Variants in MECOM observed in about 807,000 individuals in gnomAD.
MECOM encodes the protein histone-lysine N-methyltransferase MECOM.
Under a neutral mutation model 116.3 loss-of-function variants are expected in MECOM, and 13 were observed. The ratio of observed to expected loss-of-function variants is 0.11; its 90% CI spans 0.07 to 0.18. MECOM has a LOEUF of 0.18. Among genes scored for constraint, MECOM ranks in the 10% least tolerant of loss-of-function variants. MECOM has a pLI of 1.00. For missense variants in MECOM, 1,299 were observed against 1,509.0 expected (o/e 0.86, Z 2.31); for synonymous variants, 528 against 535.2 (o/e 0.99, Z 0.19).
intron 2 of MECOM, among the ~76,000 whole-genome samples, chr3:169,337,018 A>G (rs1251451931): frequency 1.3e-5 from 2 of 152,166 alleles, no homozygotes; most frequent in Non-Finnish European, 2.9e-5. Flanking sequence ...AAAGTAGTTA[A>G]GTTTTATATG....
chr3:169,258,245 A>AAAAG (rs955662755), intron 2 of MECOM, among the ~76,000 whole-genome samples: 5 of 152,104 alleles, frequency 3.3e-5, no homozygotes, highest in Admixed American at 1.3e-4. Flanking sequence ...AAGAAAAAGA[A>AAAAG]AAAGTAGATT....
At chr3:169,556,550 G>C (rs1054722663) in intron 1 of MECOM, among the ~76,000 whole-genome samples, 2 of 152,126 alleles carry the variant, frequency 1.3e-5, no homozygotes, top group Admixed American at 1.3e-4. Flanking sequence ...CCACCTCCTG[G>C]TTGTCCCACC....
chr3:169,496,962 G>C (rs1753888101), intron 1 of MECOM, among the ~76,000 whole-genome samples: 1 of 152,136 alleles, frequency 6.6e-6, no homozygotes, highest in South Asian at 2.1e-4. Flanking sequence ...CTTTAAGAAA[G>C]ATTTTAGCCT....
intron 2 of MECOM, among the ~76,000 whole-genome samples, chr3:169,215,018 T>C (rs146331693): frequency 0.014 from 2,052 of 150,740 alleles, 48 homozygotes; most frequent in African/African-American, 0.047. Context: ...AGGCTTTTCT[T>C]ATAGGGCTTT....
At chr3:169,641,092 C>A (rs958934884) in intron 1 of MECOM, among the ~76,000 whole-genome samples, 8 of 152,262 alleles carry the variant, frequency 5.3e-5, no homozygotes, top group Middle Eastern at 6.8e-3. Flanking sequence ...AAGGGCCACC[C>A]TAAGATTGGA....
chr3:169,416,245 G>A (rs1738566325), intron 1 of MECOM, among the ~76,000 whole-genome samples: 1 of 152,068 alleles, frequency 6.6e-6, no homozygotes, highest in Admixed American at 6.6e-5. Context: ...AAAACTAAAT[G>A]GAAACTGAAC....
At chr3:169,481,711 T>C (rs983634843) in intron 1 of MECOM, among the ~76,000 whole-genome samples, 9 of 152,014 alleles carry the variant, frequency 5.9e-5, no homozygotes, top group African/African-American at 1.7e-4. Context: ...CACTAGCTTG[T>C]TGGACATTTC....
intron 1 of MECOM, among the ~76,000 whole-genome samples, chr3:169,644,862 G>T (rs1242274372): frequency 2.6e-5 from 4 of 152,206 alleles, no homozygotes; most frequent in Admixed American, 2.0e-4. Flanking sequence ...CTGAAGGAGT[G>T]TGGGCCCTTC....
intron 1 of MECOM, among the ~76,000 whole-genome samples, chr3:169,590,977 TG>T (rs1261781873): frequency 6.6e-6 from 1 of 152,232 alleles, no homozygotes; most frequent in African/African-American, 2.4e-5. Flanking sequence ...GAAAGCAATC[TG>T]CTTTAGAATT....
intron 1 of MECOM, among the ~76,000 whole-genome samples, chr3:169,415,913 C>T (rs868380442): frequency 2.0e-5 from 3 of 152,094 alleles, no homozygotes; most frequent in Non-Finnish European, 4.4e-5. Context: ...TAGACTCCAA[C>T]ACAATAATAA....
intron 2 of MECOM, among the ~76,000 whole-genome samples, chr3:169,277,829 C>T (rs140857630): frequency 9.9e-5 from 15 of 152,222 alleles, no homozygotes; most frequent in African/African-American, 3.1e-4. Context: ...GAACTCACAC[C>T]GCAAAACATT....
At chr3:169,440,033 T>C (rs2108605099) in intron 1 of MECOM, among the ~76,000 whole-genome samples, 1 of 152,182 alleles carries the variant, frequency 6.6e-6, no homozygotes, top group Non-Finnish European at 1.5e-5. Flanking sequence ...ATGATTAAAG[T>C]TCAGAGGAGG....
chr3:169,401,511 A>G (rs1413790636), intron 1 of MECOM, among the ~76,000 whole-genome samples: 2 of 152,248 alleles, frequency 1.3e-5, no homozygotes, highest in East Asian at 3.8e-4. Flanking sequence ...ACATTTCAGT[A>G]GAGAAGGAAG....
chr3:169,291,840 G>A (rs781100259), intron 2 of MECOM, among the ~76,000 whole-genome samples: 3 of 152,128 alleles, frequency 2.0e-5, no homozygotes, highest in Non-Finnish European at 4.4e-5. Context: ...CTAAATTTGA[G>A]TATCATCTTG....
intron 2 of MECOM, among the ~76,000 whole-genome samples, chr3:169,236,099 G>A (rs1577424020): frequency 1.3e-5 from 2 of 152,288 alleles, no homozygotes; most frequent in East Asian, 3.9e-4. Context: ...AGTGTACTGT[G>A]TTGCCAGATG....
At chr3:169,116,958 A>G (rs1402786847) in intron 7 of MECOM, among the ~76,000 whole-genome samples, 2 of 152,134 alleles carry the variant, frequency 1.3e-5, no homozygotes, top group African/African-American at 2.4e-5. Flanking sequence ...CAAATATTTC[A>G]TATATATAGA....
intron 1 of MECOM, among the ~76,000 whole-genome samples, chr3:169,596,053 G>C (rs753610926): frequency 5.9e-5 from 9 of 152,146 alleles, no homozygotes; most frequent in Admixed American, 1.3e-4. Context: ...AAAATATAAT[G>C]TTATTTGAGG....
intron 2 of MECOM, among the ~76,000 whole-genome samples, chr3:169,293,223 G>T (rs1184355901): frequency 6.6e-6 from 1 of 152,170 alleles, no homozygotes; most frequent in Non-Finnish European, 1.5e-5. Flanking sequence ...GAATTCCAGA[G>T]TAGGTTCCTA....
At chr3:169,595,274 C>T (rs544838816) in intron 1 of MECOM, among the ~76,000 whole-genome samples, 1 of 152,244 alleles carries the variant, frequency 6.6e-6, no homozygotes, top group South Asian at 2.1e-4. Context: ...GTGAAGTATA[C>T]GTAGAAAATT....
Sources: allele counts gnomAD v4.1 joint callset (sites outside exome capture counted in the v4.1 genomes callset), GRCh38; gene constraint gnomAD v4.1.1; transcripts MANE v1.5; gene names NCBI Gene and HGNC (gene_info 2026-07-23, HGNC 2026-07-21).